The following APTX variants were observed in gnomAD, a reference collection of about 807,000 sequenced individuals.
APTX encodes aprataxin, also known as forkhead-associated domain histidine triad-like protein.
Under a neutral mutation model 42.3 loss-of-function variants are expected in APTX, and 33 were observed. The ratio of observed to expected loss-of-function variants is 0.78; its 90% CI spans 0.59 to 1.04. The LOEUF (loss-of-function observed/expected upper bound fraction) is 1.04. Ranked by LOEUF, APTX falls within the 50% of genes least tolerant of loss-of-function variation. The probability of loss-of-function intolerance (pLI) is 0.00; values close to 1 mark genes in which losing one functional copy is unlikely to be tolerated. For missense variants in APTX, 421 were observed against 415.1 expected, an observed-to-expected ratio of 1.01 and a Z score of -0.12; for synonymous variants, 130 against 146.7, an observed-to-expected ratio of 0.89 and a Z score of 0.82.
Position 32,988,105 on chromosome 9 carries a change from T to C in APTX, c.158A>G (p.Lys53Arg). ...QQVQLKAECN[K>R]GYVKVKQVGV... ...TACCTGCTTTACCTTGACATATCCC[T>C]TGTTACACTCTGCTTTCAACTGTAC... is the stretch of plus-strand genomic sequence containing the variant. The change falls in exon 3 of 8, where the codon AAG becomes AGG. Residue 53 changes from lysine to arginine, a missense_variant. Coordinates refer to ENST00000379817, the MANE Select transcript of APTX (RefSeq NM_001195248.2). 6.2e-7 allele frequency: 1 copy of C among 1,614,116 alleles called. No homozygotes were observed. Among genetic ancestry groups the C allele is most frequent in the South Asian group, 1.1e-5 (1 of 91,080 alleles).
intron 1 of APTX, chr9:32,990,158 C>T (rs1833232702): frequency 2.2e-6 from 1 of 445,492 alleles, no homozygotes; most frequent in African/African-American, 2.0e-5. Context: ...ATATTTATTA[C>T]ACATTTATTT....
intron 6 of APTX, chr9:32,980,026 A>G (rs1391840286): frequency 6.4e-6 from 1 of 155,502 alleles, no homozygotes; most frequent in East Asian, 1.9e-4. Context: ...TCGTTCCTGA[A>G]TAAAAGATGA....
rs371400061 is a variant in APTX at position 32,995,930 on chromosome 9, TCAGCAACTATGA to T, written c.-5+5625_-5+5636del. Among the ~76,000 whole-genome samples, 378 of 150,086 alleles carry T rather than the reference TCAGCAACTATGA, an allele frequency of 2.5e-3. 2 individuals carry two copies. The highest frequency in any genetic ancestry group is 8.9e-3 in the African/African-American group (363 of 40,920). On this transcript the variant is annotated intron_variant, in intron 1 of 7. Transcript: ENST00000379817. ...GAAATTGCCACAGACATCCAAACCT[TCAGCAACTATGA>T]CCCTGATCAGTCAGCAGCCACCAAC... is the stretch of plus-strand genomic sequence containing the variant.
At chr9:33,013,972 A>T (rs1237520451) in intron 1 of APTX, among the ~76,000 whole-genome samples, 1 of 151,990 alleles carries the variant, frequency 6.6e-6, no homozygotes, top group Non-Finnish European at 1.5e-5. Flanking sequence ...AAGTAACTGA[A>T]CTCCAACCTA....
intron 6 of APTX, among the ~76,000 whole-genome samples, chr9:32,982,275 AAGT>A (rs1434396288): frequency 1.3e-5 from 2 of 152,218 alleles, no homozygotes; most frequent in African/African-American, 2.4e-5. Flanking sequence ...AAAGCCAGGA[AAGT>A]AGGAACTGTC....
At chr9:33,002,221 G>A (rs935550956), upstream of APTX, among the ~76,000 whole-genome samples, 1 of 151,938 alleles carries the variant, frequency 6.6e-6, no homozygotes, top group Admixed American at 6.6e-5. Context: ...GTTATTCAAA[G>A]GCATTTTGGC....
At chr9:32,988,163 CA>C (rs752912612) in intron 2 of APTX, 34 bp from the exon 3 acceptor site, 11 of 1,600,960 alleles carry the variant, frequency 6.9e-6, no homozygotes, top group Non-Finnish European at 9.4e-6. Context: ...AACACAAATG[CA>C]ACAAAGAACC....
chr9:32,982,328 A>G (rs895273290), intron 6 of APTX, among the ~76,000 whole-genome samples: 1 of 152,224 alleles, frequency 6.6e-6, no homozygotes, highest in African/African-American at 2.4e-5. Flanking sequence ...CAAATAAATG[A>G]AATGTGAGAT....
chr9:32,999,752 G>A (rs1267343532), intron 1 of APTX, among the ~76,000 whole-genome samples: 2 of 152,052 alleles, frequency 1.3e-5, no homozygotes, highest in Admixed American at 6.5e-5. Flanking sequence ...GAGGCAGGCA[G>A]ATTACGAGGT....
In APTX at chr9:33,001,443, G is replaced by A. The variant is rs10813920; in HGVS notation, c.-5+124C>T. The A allele has an allele frequency of 0.12, 180,687 of 1,563,032 alleles. 11,663 individuals are homozygous for A. Among genetic ancestry groups the A allele is most frequent in the East Asian group, 0.29 (12,203 of 42,258 alleles). On this transcript the variant is annotated intron_variant, in intron 1 of 7. Coordinates refer to ENST00000379817, the MANE Select transcript of APTX (RefSeq NM_001195248.2). ...GGGAGGACGGAGAAAGCAGCCGTGA[G>A]AGCAGCGCATGAAAGCAGCGTCATT...
chr9:32,979,944 G>A, intron 6 of APTX: 1 of 165,296 alleles, frequency 6.0e-6, no homozygotes. Context: ...CAATAGCAGT[G>A]TAGCCATCTC....
intron 6 of APTX, chr9:32,980,422 C>T (rs13296038): frequency 0.031 from 5,231 of 167,510 alleles, 105 homozygotes; most frequent in Non-Finnish European, 0.047. Context: ...GGCAGGTCTT[C>T]CCCACACCCA....
intron 4 of APTX, among the ~76,000 whole-genome samples, chr9:32,987,294 C>T (rs1043406370): frequency 6.6e-6 from 1 of 152,190 alleles, no homozygotes; most frequent in Admixed American, 6.5e-5. Context: ...AACTGATCCA[C>T]TTTAGTTGTT....
At chr9:32,982,127 A>C (rs1830816950) in intron 6 of APTX, among the ~76,000 whole-genome samples, 1 of 152,196 alleles carries the variant, frequency 6.6e-6, no homozygotes, top group Non-Finnish European at 1.5e-5. Context: ...TGAGAAGGAC[A>C]CAATCAGAAA....
rs138370004 is a variant in APTX at position 32,986,955 on chromosome 9, T to C, written c.483+589A>G. Among the ~76,000 whole-genome samples, 798 of 152,168 alleles carry C rather than the reference T, an allele frequency of 5.2e-3. 8 individuals are homozygous for C. Among genetic ancestry groups the C allele is most frequent in the African/African-American group, 0.018 (750 of 41,506 alleles). ...TCCCGAGTAGCTGGGATTACAAGCATGTGTGTACCACCAGGCCCAGCTAAT... is the reference window on the plus strand; with the variant it reads ...TCCCGAGTAGCTGGGATTACAAGCACGTGTGTACCACCAGGCCCAGCTAAT... On this transcript the variant is annotated intron_variant, in intron 4 of 7. Transcript: ENST00000379817.
chr9:33,008,396 T>C (rs147061316), intron 1 of APTX, among the ~76,000 whole-genome samples: 200 of 152,070 alleles, frequency 1.3e-3, no homozygotes, highest in African/African-American at 4.5e-3. Context: ...AGCTATACAA[T>C]TTCTGACTAA....
At position 32,973,766 on chromosome 9, in the gene APTX, T is replaced by C. The variant is rs576796622; in HGVS notation, c.875-114A>G. 6 of 1,373,948 alleles carry C rather than the reference T, an allele frequency of 4.4e-6. No individual in the cohort carries two copies. The South Asian group carries it at 4.7e-5, about 11-fold the overall frequency. 85.1% of individuals were successfully genotyped at this position (1,373,948 alleles called of 1,614,324 possible). The stretch of plus-strand genomic sequence containing the variant: ...ACTCCAATCAGTATGCCAGGCCAGG[T>C]ATTCTACAGCTCCGTAAGCTTAGTT... On this transcript the variant is annotated intron_variant, in intron 7 of 7. Coordinates refer to ENST00000379817, the MANE Select transcript of APTX (RefSeq NM_001195248.2).
chr9:32,982,927 C>A (rs1831022025), intron 6 of APTX, among the ~76,000 whole-genome samples: 1 of 151,868 alleles, frequency 6.6e-6, no homozygotes, highest in African/African-American at 2.4e-5. Context: ...AATTCCATCT[C>A]CAAATATTTA....
intron 1 of APTX, among the ~76,000 whole-genome samples, chr9:33,024,129 G>C (rs1356120047): frequency 6.6e-6 from 1 of 152,196 alleles, no homozygotes; most frequent in African/African-American, 2.4e-5. Context: ...TGACTTGTTT[G>C]GCTTCTCACT....
Sources: allele counts gnomAD v4.1 joint callset (sites outside exome capture counted in the v4.1 genomes callset), GRCh38; gene constraint gnomAD v4.1.1; transcripts MANE v1.5; gene names NCBI Gene and HGNC (gene_info 2026-07-23, HGNC 2026-07-21).